The following ODF2 variants were observed in gnomAD, a reference collection of about 807,000 sequenced individuals.
ODF2 encodes the protein outer dense fiber protein 2.
Under a neutral mutation model 110.2 loss-of-function variants are expected in ODF2, and 47 were observed. The observed-to-expected ratio is 0.43, with a 90% CI of 0.34 to 0.54. The LOEUF (loss-of-function observed/expected upper bound fraction) is 0.54, where lower values mean the gene tolerates loss of function less well. Ranked by LOEUF, ODF2 falls within the 20% of genes least tolerant of loss-of-function variation. The probability of loss-of-function intolerance (pLI) is 0.03; values close to 1 mark genes in which losing one functional copy is unlikely to be tolerated. For synonymous variants in ODF2, 352 were observed against 397.7 expected (o/e 0.89, Z 1.37); for missense variants, 812 against 1,054.5 (o/e 0.77, Z 3.19).
At chr9:128,461,885 C>T (rs1395899562) in intron 4 of ODF2, among the ~76,000 whole-genome samples, 4 of 152,122 alleles carry the variant, frequency 2.6e-5, no homozygotes, top group Non-Finnish European at 4.4e-5. Flanking sequence ...ACTCCTTTCC[C>T]TTAGAGACAA....
At chr9:128,497,480 T>G (rs1845851229) in intron 18 of ODF2, 1 of 105,066 alleles carries the variant, frequency 9.5e-6, no homozygotes, top group African/African-American at 3.7e-5. Flanking sequence ...TATATATATA[T>G]ATATATGTAT....
In ODF2 at chr9:128,494,452, C is replaced by A. The variant is rs907720348; in HGVS notation, c.1753-58C>A. The A allele has an allele frequency of 8.8e-5, 135 of 1,537,096 alleles. No homozygotes were observed. Among genetic ancestry groups the A allele is most frequent in the Non-Finnish European group, 1.2e-4 (131 of 1,112,306 alleles). On this transcript the variant is annotated intron_variant, in intron 16 of 20. Coordinates refer to ENST00000604420, the Ensembl canonical transcript of ODF2. The surrounding 1 kb of genome is among the most constrained non-coding windows in gnomAD (Gnocchi z 4.6). ...GGACTCTGCCTGGCTCCACTAGGAG[C>A]CAGGTCTTTCCTAACTGTGGGTCTT...
intron 4 of ODF2, among the ~76,000 whole-genome samples, chr9:128,462,377 G>A (rs952965802): frequency 5.9e-5 from 9 of 152,080 alleles, no homozygotes; most frequent in South Asian, 4.1e-4. Context: ...TCGAACTCCC[G>A]ACCTCAGGTG....
intron 4 of ODF2, among the ~76,000 whole-genome samples, chr9:128,464,088 G>A (rs560446975): frequency 6.8e-5 from 10 of 148,050 alleles, no homozygotes; most frequent in South Asian, 2.2e-4. Context: ...CAAGTAACCC[G>A]CCCACCTCAG....
intron 19 of ODF2, 99 bp from the exon 20 acceptor site, chr9:128,498,902 T>A (rs1382207850): frequency 2.0e-6 from 3 of 1,469,086 alleles, no homozygotes; most frequent in Non-Finnish European, 2.8e-6. Flanking sequence ...GATGTGCAAG[T>A]GCTGTCTGCA....
At chr9:128,471,727 A>G (rs1840038459) in intron 6 of ODF2, among the ~76,000 whole-genome samples, 2 of 152,042 alleles carry the variant, frequency 1.3e-5, no homozygotes, top group Admixed American at 6.6e-5. Flanking sequence ...AACAAGTGAT[A>G]TTTAAGGGGT....
chr9:128,492,022 C>T (rs943559991), intron 14 of ODF2, among the ~76,000 whole-genome samples: 5 of 151,948 alleles, frequency 3.3e-5, no homozygotes, highest in Admixed American at 2.0e-4. Flanking sequence ...CCCGCCACCA[C>T]GCCCGGCTAA....
Position 128,463,303 on chromosome 9 carries a change from G to A in ODF2, c.249+2236G>A, listed in dbSNP as rs13290083. Among the ~76,000 whole-genome samples, 1,149 of 152,136 alleles carry A rather than the reference G, an allele frequency of 7.6e-3. 7 individuals carry two copies. The highest frequency in any genetic ancestry group is 0.012 in the Non-Finnish European group (799 of 68,004). On this transcript the variant is annotated intron_variant, in intron 4 of 20. Coordinates refer to ENST00000604420, the Ensembl canonical transcript of ODF2. ...AGAAATATGATACATCCATACAATG[G>A]AATACCATGCAGCCTTGCAAAGACT...
In ODF2 at chr9:128,478,236, G is replaced by A. The variant is rs1288309317; in HGVS notation, c.844-3344G>A. 2.0e-5 allele frequency among the ~76,000 whole-genome samples: 3 copies of A among 152,308 alleles called. No individual in the cohort carries two copies. The East Asian group carries it at 5.8e-4, about 29-fold the overall frequency. ...TGGTCTTGAACGCCTGACCTCAAGT[G>A]ATCTGTCTGCCTCGGCTTCTGAAAT... is the stretch of plus-strand genomic sequence containing the variant. On this transcript the variant is annotated intron_variant, in intron 8 of 20. Transcript: ENST00000604420.
intron 11 of ODF2, among the ~76,000 whole-genome samples, chr9:128,484,423 A>AG (rs1842993775): frequency 1.3e-5 from 2 of 152,158 alleles, no homozygotes; most frequent in South Asian, 4.1e-4. Context: ...TCTGACCACA[A>AG]GGCTGGGAGT....
At chr9:128,500,136 C>A (rs144331164) in exon 21 of ODF2, 1 of 1,614,264 alleles carries the variant, frequency 6.2e-7, no homozygotes, top group East Asian at 2.2e-5. Flanking sequence ...GAGCACCAAC[C>A]GCAGCATGCA....
At chr9:128,470,372 T>TATA (rs1839679086) in intron 5 of ODF2, among the ~76,000 whole-genome samples, 1 of 151,912 alleles carries the variant, frequency 6.6e-6, no homozygotes, top group Admixed American at 6.6e-5. Flanking sequence ...GGCTCATGCC[T>TATA]ATAATCCTAG....
At chr9:128,489,577 T>C (rs932648307) in intron 14 of ODF2, among the ~76,000 whole-genome samples, 8 of 152,214 alleles carry the variant, frequency 5.3e-5, no homozygotes, top group Non-Finnish European at 1.2e-4. Context: ...AGTTTATTCA[T>C]CCTCAGCGCT....
At chr9:128,496,406 G>T in intron 18 of ODF2, 2 of 1,250,542 alleles carry the variant, frequency 1.6e-6, no homozygotes, top group Non-Finnish European at 1.0e-6. Context: ...CAAAAGGCAT[G>T]CCTGGTCCAG....
intron 8 of ODF2, among the ~76,000 whole-genome samples, chr9:128,476,016 GTA>G (rs1358526934): frequency 6.6e-6 from 1 of 152,058 alleles, no homozygotes; most frequent in Non-Finnish European, 1.5e-5. Context: ...ATTTCACTGA[GTA>G]TAATATCCTC....
intron 2 of ODF2, chr9:128,457,524 C>T: frequency 2.7e-6 from 4 of 1,456,630 alleles, no homozygotes; most frequent in Non-Finnish European, 3.6e-6. Context: ...AGGCTTCCAG[C>T]TTCCTCATTG....
chr9:128,500,365 C>T, exon 21 of ODF2: 1 of 1,074,456 alleles, frequency 9.3e-7, no homozygotes, highest in South Asian at 1.4e-5. Flanking sequence ...AAAATGGGTT[C>T]AGGGTCTTGT....
intron 1 of ODF2, chr9:128,456,761 G>T (rs969750762): frequency 1.1e-4 from 104 of 965,384 alleles, no homozygotes; most frequent in Admixed American, 1.2e-4. Flanking sequence ...CGCCCGGCGG[G>T]GGGGGGTCCC....
At chr9:128,455,889 G>A (rs944208785), upstream of ODF2, 12 of 1,246,044 alleles carry the variant, frequency 9.6e-6, no homozygotes, top group Non-Finnish European at 1.3e-5. Context: ...CAAGGCAGGG[G>A]AAACAGGGCC....
Sources: gnomAD v4.1 joint callset for allele counts (sites outside exome capture counted in the v4.1 genomes callset) on GRCh38, gnomAD v4.1.1 for gene constraint, Gnocchi (gnomAD v3.1) non-coding constraint, MANE v1.5 for transcripts, NCBI Gene and HGNC (gene_info 2026-07-23, HGNC 2026-07-21) for gene names.